The following XKR4 variants were observed in gnomAD, a reference collection of about 807,000 sequenced individuals.
XKR4 encodes the protein XK related 4.
Under a neutral mutation model 53.9 loss-of-function variants are expected in XKR4, and 12 were observed. That is an observed-to-expected ratio of 0.22 (90% CI 0.14 to 0.36). XKR4 has a LOEUF of 0.36. XKR4 is among the 10% of genes least tolerant of loss of function. The pLI, the probability that XKR4 is intolerant of heterozygous loss-of-function variation, is 1.00. For missense variants in XKR4, 799 were observed against 859.5 expected (o/e 0.93, Z 0.88); for synonymous variants, 354 against 362.4 (o/e 0.98, Z 0.26).
Position 55,531,752 on chromosome 8 carries a change from AG to A in XKR4, c.*7527del, listed in dbSNP as rs1347202796. 1 of 152,270 alleles carries A rather than the reference AG, an allele frequency of 6.6e-6. No homozygotes were observed. Among genetic ancestry groups the A allele is most frequent in the Non-Finnish European group, 1.5e-5 (1 of 68,046 alleles). 9.4% of individuals were successfully genotyped at this position (152,270 alleles called of 1,614,324 possible). ...ACTCCAAAGTGAAGAGTTTTCCAAT[AG>A]GTGACTTCTCTGATTTTTCAAGAAA... is the stretch of plus-strand genomic sequence containing the variant. On this transcript the variant is annotated 3_prime_UTR_variant, in exon 3 of 3. Transcript: ENST00000327381.
intron 2 of XKR4, among the ~76,000 whole-genome samples, chr8:55,398,504 A>G (rs1300792379): frequency 2.6e-5 from 4 of 151,152 alleles, no homozygotes; most frequent in African/African-American, 9.7e-5. Context: ...TTAAAAAATA[A>G]GGAGAGAGCA....
chr8:55,301,322 A>C (rs2129376836), intron 1 of XKR4, among the ~76,000 whole-genome samples: 1 of 152,088 alleles, frequency 6.6e-6, no homozygotes, highest in Non-Finnish European at 1.5e-5. Flanking sequence ...AAAGGACATG[A>C]ACTCTTCATT....
intron 1 of XKR4, among the ~76,000 whole-genome samples, chr8:55,232,337 A>G (rs573406906): frequency 1.3e-5 from 2 of 152,346 alleles, no homozygotes; most frequent in African/African-American, 4.8e-5. Flanking sequence ...CCCAGCTGCC[A>G]GGCCACAGTT....
At chr8:55,290,382 G>A (rs2129375406) in intron 1 of XKR4, among the ~76,000 whole-genome samples, 1 of 152,126 alleles carries the variant, frequency 6.6e-6, no homozygotes, top group Non-Finnish European at 1.5e-5. Context: ...TGCCCAGCTT[G>A]GCCTCCCAAA....
chr8:55,357,642 C>G (rs978497128), intron 1 of XKR4, 36 bp from the exon 2 acceptor site: 1 of 1,606,786 alleles, frequency 6.2e-7, no homozygotes, highest in Middle Eastern at 1.7e-4. Context: ...ACTATCATCA[C>G]TCATCTCTTT....
intron 1 of XKR4, among the ~76,000 whole-genome samples, chr8:55,320,157 T>C (rs1406148373): frequency 2.0e-5 from 3 of 152,228 alleles, no homozygotes; most frequent in Non-Finnish European, 4.4e-5. Context: ...TTACTCTGTA[T>C]TGATCTGAAA....
intron 1 of XKR4, among the ~76,000 whole-genome samples, chr8:55,186,976 C>T (rs991154169): frequency 6.6e-5 from 10 of 151,666 alleles, no homozygotes; most frequent in African/African-American, 1.9e-4. Flanking sequence ...CTCTTAGTTG[C>T]GCTATTTTTT....
chr8:55,204,029 T>C (rs571115048), intron 1 of XKR4, among the ~76,000 whole-genome samples: 1 of 152,276 alleles, frequency 6.6e-6, no homozygotes, highest in East Asian at 1.9e-4. Context: ...TGTTCGTTTT[T>C]AGACAGGGTC....
At chr8:55,261,581 T>C (rs1316780452) in intron 1 of XKR4, among the ~76,000 whole-genome samples, 2 of 152,206 alleles carry the variant, frequency 1.3e-5, no homozygotes, top group East Asian at 1.9e-4. Flanking sequence ...ATTTTCAAAA[T>C]TGATGGAAGG....
At chr8:55,171,333 A>G (rs1462604383) in intron 1 of XKR4, among the ~76,000 whole-genome samples, 1 of 152,122 alleles carries the variant, frequency 6.6e-6, no homozygotes, top group African/African-American at 2.4e-5. Flanking sequence ...CAATGGAGAG[A>G]AGGGAAGAGA....
chr8:55,246,838 G>A (rs1412907850), intron 1 of XKR4, among the ~76,000 whole-genome samples: 2 of 150,608 alleles, frequency 1.3e-5, no homozygotes, highest in African/African-American at 4.9e-5. Context: ...ATTTGTAACA[G>A]GAGAATAATG....
chr8:55,407,572 GC>G (rs1804703605), intron 2 of XKR4, among the ~76,000 whole-genome samples: 1 of 152,212 alleles, frequency 6.6e-6, no homozygotes, highest in Admixed American at 6.5e-5. Context: ...CGGGTCAGAT[GC>G]CCCGGGCTCA....
intron 1 of XKR4, among the ~76,000 whole-genome samples, chr8:55,353,465 G>A (rs1803755153): frequency 6.6e-6 from 1 of 152,122 alleles, no homozygotes; most frequent in Non-Finnish European, 1.5e-5. Context: ...CTGAAGGGTG[G>A]CATGCAACAG....
intron 1 of XKR4, among the ~76,000 whole-genome samples, chr8:55,137,159 A>G (rs1299621491): frequency 6.6e-6 from 1 of 152,196 alleles, no homozygotes; most frequent in Non-Finnish European, 1.5e-5. Flanking sequence ...AGATAGCCCA[A>G]TAATCTGCTA....
intron 2 of XKR4, among the ~76,000 whole-genome samples, chr8:55,393,432 AAGGAAGGAAGGAAGGAAGGAAGG>A (rs1804471565): frequency 1.3e-5 from 2 of 150,490 alleles, no homozygotes; most frequent in Non-Finnish European, 3.0e-5. Context: ...GGAAGGAAGG[AAGGAAGGAAGGAAGGAAGGAAGG>A]AAGAAAGGAA....
At chr8:55,450,696 C>A in intron 2 of XKR4, 1 of 584,246 alleles carries the variant, frequency 1.7e-6, no homozygotes, top group Non-Finnish European at 3.3e-6. Flanking sequence ...TGTGGGCTCC[C>A]CCGTGGCTGA....
intron 1 of XKR4, among the ~76,000 whole-genome samples, chr8:55,324,705 G>A (rs1022608406): frequency 6.6e-6 from 1 of 152,094 alleles, no homozygotes; most frequent in Non-Finnish European, 1.5e-5. Context: ...TCCAATTAAG[G>A]GATATGTGTA....
intron 1 of XKR4, among the ~76,000 whole-genome samples, chr8:55,210,583 A>G (rs1817718100): frequency 6.6e-6 from 1 of 152,228 alleles, no homozygotes; most frequent in Non-Finnish European, 1.5e-5. Context: ...AAGAAAAACT[A>G]TTTTGTTTTT....
chr8:55,447,674 C>G (rs16921830), intron 2 of XKR4, among the ~76,000 whole-genome samples: 45,633 of 152,084 alleles, frequency 0.3, 8,782 homozygotes, highest in African/African-American at 0.56. Context: ...AGAAAAGAAA[C>G]CGCTAATCAC....
Sources: allele counts gnomAD v4.1 joint callset (sites outside exome capture counted in the v4.1 genomes callset), GRCh38; gene constraint gnomAD v4.1.1; transcripts MANE v1.5; gene names NCBI Gene and HGNC (gene_info 2026-07-23, HGNC 2026-07-21).